OPHN1: variants seen among roughly 807,000 people sequenced by gnomAD.
The protein encoded by OPHN1 is oligophrenin-1.
Under a neutral mutation model 60.7 loss-of-function variants are expected in OPHN1, and 11 were observed. The ratio of observed to expected loss-of-function variants is 0.18; its 90% CI spans 0.11 to 0.30. The LOEUF (loss-of-function observed/expected upper bound fraction) is 0.30. OPHN1 is among the 10% of genes least tolerant of loss of function. The probability of loss-of-function intolerance (pLI) is 1.00; values close to 1 mark genes in which losing one functional copy is unlikely to be tolerated. For synonymous variants in OPHN1, 226 were observed against 222.6 expected, an observed-to-expected ratio of 1.02 and a Z score of -0.14; for missense variants, 449 against 611.0, an observed-to-expected ratio of 0.73 and a Z score of 2.80.
At position 68,157,123 on chromosome X, in the gene OPHN1, T is replaced by C. The variant is rs187089130; in HGVS notation, c.1276+35796A>G. On this transcript the variant is annotated intron_variant, in intron 15 of 24. Transcript: ENST00000355520. ...TAATTTAATCTGAATTTATATTAAA[T>C]AAAATTTAAAATATATTTCCTCAGT... 1.1e-4 allele frequency among the ~76,000 whole-genome samples: 12 copies of C among 112,171 alleles called. No homozygotes were observed. The East Asian group carries it at 2.8e-3, about 26-fold the overall frequency.
At chrX:68,360,641 A>G (rs780450887) in intron 2 of OPHN1, among the ~76,000 whole-genome samples, 1 of 110,988 alleles carries the variant, frequency 9.0e-6, no homozygotes, top group South Asian at 3.9e-4. Flanking sequence ...AATACAAAAA[A>G]TCAGCCAGGC....
chrX:68,052,884 T>A (rs1244327387), intron 22 of OPHN1, among the ~76,000 whole-genome samples: 4 of 112,583 alleles, frequency 3.6e-5, no homozygotes, highest in Non-Finnish European at 5.6e-5. Context: ...CAAAGTATAA[T>A]TGTTGGCTTT....
At chrX:68,254,672 T>A (rs770110821) in intron 5 of OPHN1, among the ~76,000 whole-genome samples, 9 of 111,198 alleles carry the variant, frequency 8.1e-5, no homozygotes, top group Non-Finnish European at 1.7e-4. Context: ...AGGTGGCAAC[T>A]TTGGTAAGAC....
At chrX:68,433,581 A>C (rs1461301705), upstream of OPHN1, 1 of 291,720 alleles carries the variant, frequency 3.4e-6, no homozygotes, top group African/African-American at 2.7e-5. Context: ...GCGAAGCCCG[A>C]GGACCAAACC....
intron 2 of OPHN1, among the ~76,000 whole-genome samples, chrX:68,417,189 G>A (rs2147782954): frequency 9.0e-6 from 1 of 111,136 alleles, no homozygotes; most frequent in Admixed American, 9.6e-5. Context: ...TCCACCTCTG[G>A]GGTTCAAGCA....
At chrX:68,311,800 G>A (rs1029005214) in intron 2 of OPHN1, among the ~76,000 whole-genome samples, 1 of 111,607 alleles carries the variant, frequency 9.0e-6, no homozygotes, top group African/African-American at 3.3e-5. Context: ...TACAATAATG[G>A]ATGAAACAAC....
At chrX:68,107,856 G>GT (rs2077088203) in intron 18 of OPHN1, among the ~76,000 whole-genome samples, 1 of 111,893 alleles carries the variant, frequency 8.9e-6, no homozygotes, top group African/African-American at 3.2e-5. Context: ...AAGATACATT[G>GT]TTTTTTATTT....
intron 15 of OPHN1, among the ~76,000 whole-genome samples, chrX:68,189,519 C>T (rs1353352254): frequency 9.5e-6 from 1 of 105,783 alleles, no homozygotes; most frequent in African/African-American, 3.5e-5. Context: ...CCCAACCCCA[C>T]AACAGGCCCC....
chrX:68,191,501 T>C (rs2147453545), intron 15 of OPHN1, among the ~76,000 whole-genome samples: 1 of 111,830 alleles, frequency 8.9e-6, no homozygotes, highest in South Asian at 3.8e-4. Flanking sequence ...CTGCCAGCCA[T>C]GGTGGACTAA....
rs2147338962 is a variant in OPHN1, at chrX:68,043,299, C to A, written c.*3873G>T. 1 of 76,301 alleles carries A rather than the reference C, an allele frequency of 1.3e-5. No homozygotes were observed. The highest frequency in any genetic ancestry group is 4.4e-4 in the East Asian group (1 of 2,298). The allele number at this position is 76,301 out of a possible 1,213,427, so 6.3% of individuals were successfully genotyped here. A position where few individuals can be genotyped will look rare whatever the true frequency, so the allele number is the denominator to read the frequency against. ...TGACACATTAGTGGGTGCAGCGCAC[C>A]AGCATGGCACATGTATACATATGTA... On this transcript the variant is annotated 3_prime_UTR_variant, in exon 25 of 25. Coordinates refer to ENST00000355520, the MANE Select transcript of OPHN1 (RefSeq NM_002547.3).
chrX:68,416,638 T>C (rs2078800853), intron 2 of OPHN1, among the ~76,000 whole-genome samples: 1 of 111,747 alleles, frequency 8.9e-6, no homozygotes, highest in South Asian at 3.7e-4. Flanking sequence ...GGAAAACACC[T>C]CATAGCACAA....
chrX:68,107,955 T>A (rs2077088678), intron 18 of OPHN1, among the ~76,000 whole-genome samples: 1 of 112,281 alleles, frequency 8.9e-6, no homozygotes, highest in Non-Finnish European at 1.9e-5. Context: ...TTGATTCATG[T>A]CTAAAACAGA....
intron 19 of OPHN1, among the ~76,000 whole-genome samples, chrX:68,087,627 A>G (rs908098698): frequency 1.8e-5 from 2 of 112,200 alleles, no homozygotes; most frequent in Admixed American, 1.9e-4. Flanking sequence ...ATGAGCAACT[A>G]TCCAGATTCT....
chrX:68,394,854 C>T (rs146476325), intron 2 of OPHN1, among the ~76,000 whole-genome samples: 137 of 111,906 alleles, frequency 1.2e-3, no homozygotes, highest in African/African-American at 4.3e-3. Context: ...ACCATCTTGC[C>T]CAAGCTTGTC....
chrX:68,171,361 A>T (rs950868548), intron 15 of OPHN1, among the ~76,000 whole-genome samples: 2 of 112,365 alleles, frequency 1.8e-5, no homozygotes, highest in Non-Finnish European at 3.8e-5. Flanking sequence ...TCAGTTACAG[A>T]CTGTGAGACA....
intron 21 of OPHN1, among the ~76,000 whole-genome samples, chrX:68,062,028 G>A (rs1038513121): frequency 5.3e-5 from 6 of 112,215 alleles, no homozygotes; most frequent in Non-Finnish European, 1.1e-4. Context: ...TAGGAACTTA[G>A]TTATATAACC....
At chrX:68,410,633 A>C (rs2078764698) in intron 2 of OPHN1, among the ~76,000 whole-genome samples, 1 of 110,947 alleles carries the variant, frequency 9.0e-6, no homozygotes, top group African/African-American at 3.3e-5. Flanking sequence ...ACTGATAATA[A>C]CAGGGGCCTC....
intron 18 of OPHN1, among the ~76,000 whole-genome samples, chrX:68,105,238 A>C (rs1336205423): frequency 9.0e-6 from 1 of 111,289 alleles, no homozygotes; most frequent in African/African-American, 3.3e-5. Flanking sequence ...CCATTGTGGA[A>C]GACAGTGTGG....
chrX:68,372,872 C>T (rs1028528549), intron 2 of OPHN1, among the ~76,000 whole-genome samples: 1 of 110,519 alleles, frequency 9.0e-6, no homozygotes, highest in South Asian at 3.9e-4. Context: ...TCACAAAAAA[C>T]GTATTCACCT....
Sources: gnomAD v4.1 joint callset for allele counts (sites outside exome capture counted in the v4.1 genomes callset) on GRCh38, gnomAD v4.1.1 for gene constraint, MANE v1.5 for transcripts, NCBI Gene and HGNC (gene_info 2026-07-23, HGNC 2026-07-21) for gene names.